SETDB1: variants seen among roughly 807,000 people sequenced by gnomAD.
The protein encoded by SETDB1 is SET domain bifurcated histone lysine methyltransferase 1.
Under a neutral mutation model 137.4 loss-of-function variants are expected in SETDB1, and 31 were observed. That is an observed-to-expected ratio of 0.23 (90% CI 0.17 to 0.30). The LOEUF (loss-of-function observed/expected upper bound fraction) is 0.30. Among genes scored for constraint, SETDB1 ranks in the 10% least tolerant of loss-of-function variants. The pLI is 1.00. For synonymous variants in SETDB1, 548 were observed against 579.9 expected, an observed-to-expected ratio of 0.95 and a Z score of 0.79; for missense variants, 1,113 against 1,631.5, an observed-to-expected ratio of 0.68 and a Z score of 5.47.
intron 3 of SETDB1, among the ~76,000 whole-genome samples, chr1:150,938,303 C>G (rs952546480): frequency 2.0e-5 from 3 of 151,626 alleles, no homozygotes; most frequent in Non-Finnish European, 2.9e-5. Flanking sequence ...ACATGATTCT[C>G]TTTATATGAG....
chr1:150,951,780 G>T (rs758922900), intron 14 of SETDB1, among the ~76,000 whole-genome samples: 3 of 152,168 alleles, frequency 2.0e-5, no homozygotes, highest in African/African-American at 7.2e-5. Flanking sequence ...ATTTACACTT[G>T]TAAGTGAAAT....
chr1:150,946,108 C>T (rs1056291284), intron 9 of SETDB1, among the ~76,000 whole-genome samples: 4 of 152,160 alleles, frequency 2.6e-5, no homozygotes, highest in Non-Finnish European at 5.9e-5. Flanking sequence ...CAGCCTCAAC[C>T]TCCAGGGTTC....
Position 150,960,988 on chromosome 1 carries a change from A to T in SETDB1, c.2929A>T (p.Thr977Ser). ...CTGCAATCCACCTTCCTCCGAAGAG[A>T]CACCCAAGAACAAGGTGGCCTCATG... ...GGCNPPSSEE[T>S]PKNKVASWLS... The change falls in exon 16 of 22, where the codon ACA (threonine) becomes TCA (serine). Residue 977 changes from threonine (T) to serine (S), a missense_variant. Thr to Ser is a moderately conservative substitution (Grantham distance 58). Coordinates refer to ENST00000692827, the MANE Select transcript of SETDB1 (RefSeq NM_001366418.1). 6.2e-7 allele frequency: 1 copy of T among 1,613,220 alleles called. No homozygotes were observed. Among genetic ancestry groups the T allele is most frequent in the South Asian group, 1.1e-5 (1 of 91,028 alleles).
intron 14 of SETDB1, among the ~76,000 whole-genome samples, chr1:150,955,250 C>T (rs1375359997): frequency 6.6e-6 from 1 of 152,158 alleles, no homozygotes. Flanking sequence ...CTTTTTTACA[C>T]GTTTGAAATG....
chr1:150,932,543 A>G (rs768334980), intron 3 of SETDB1, among the ~76,000 whole-genome samples: 12 of 152,196 alleles, frequency 7.9e-5, no homozygotes, highest in Non-Finnish European at 1.5e-4. Context: ...TCCCTCATCT[A>G]GTACATATGT....
intron 12 of SETDB1, 139 bp from the exon 13 acceptor site, chr1:150,950,319 A>G (rs1443492823): frequency 4.1e-6 from 3 of 727,422 alleles, no homozygotes; most frequent in African/African-American, 1.8e-5. Flanking sequence ...GGGCAAGGGA[A>G]GATCTTTCTT....
intron 10 of SETDB1, among the ~76,000 whole-genome samples, chr1:150,948,504 C>A (rs1670396959): frequency 6.6e-6 from 1 of 151,984 alleles, no homozygotes; most frequent in East Asian, 1.9e-4. Flanking sequence ...CTCCTGACCT[C>A]AGGTGATCTG....
At chr1:150,942,727 C>A in intron 6 of SETDB1, 39 bp downstream of exon 6, 1 of 1,603,356 alleles carries the variant, frequency 6.2e-7, no homozygotes, top group Non-Finnish European at 8.5e-7. Context: ...TGAAAGGCAA[C>A]CTGCACCCTC....
At chr1:150,955,677 T>C (rs767784848) in intron 14 of SETDB1, among the ~76,000 whole-genome samples, 3 of 152,360 alleles carry the variant, frequency 2.0e-5, no homozygotes, top group African/African-American at 4.8e-5. Context: ...ATGACAACTT[T>C]TGTTGACTTG....
At chr1:150,959,776 C>T (rs1670763698) in intron 15 of SETDB1, among the ~76,000 whole-genome samples, 1 of 152,092 alleles carries the variant, frequency 6.6e-6, no homozygotes, top group South Asian at 2.1e-4. Context: ...GAGGTATTAT[C>T]AAAGAGAAAC....
rs113521109 is a variant in SETDB1 at position 150,956,002 on chromosome 1, G to C, written c.2334-3176G>C. On this transcript the variant is annotated intron_variant, in intron 14 of 21. Coordinates refer to ENST00000692827, the MANE Select transcript of SETDB1 (RefSeq NM_001366418.1). ...AGCTACTCAGGAGGCTGAGATGGGAGAATTGGTTGAACCCAGGAGGCAGAG... is the reference window on the plus strand; with the variant it reads ...AGCTACTCAGGAGGCTGAGATGGGACAATTGGTTGAACCCAGGAGGCAGAG... 8.6e-3 allele frequency among the ~76,000 whole-genome samples: 1,297 copies of C among 151,312 alleles called. 8 individuals are homozygous for C. Among genetic ancestry groups the C allele is most frequent in the Non-Finnish European group, 0.012 (812 of 67,942 alleles).
chr1:150,957,420 A>G (rs975473895), intron 14 of SETDB1, among the ~76,000 whole-genome samples: 2 of 152,212 alleles, frequency 1.3e-5, no homozygotes, highest in Admixed American at 6.5e-5. Context: ...ACACAAAAGT[A>G]TATGCTTAGT....
At chr1:150,945,402 A>G in intron 9 of SETDB1, 1 of 881,704 alleles carries the variant, frequency 1.1e-6, no homozygotes, top group Non-Finnish European at 1.6e-6. Context: ...AGCCAATTCC[A>G]TTTTTCCAGG....
chr1:150,956,837 A>G (rs1457204779), intron 14 of SETDB1, among the ~76,000 whole-genome samples: 3 of 152,020 alleles, frequency 2.0e-5, no homozygotes, highest in African/African-American at 7.3e-5. Context: ...AAAAAAAGCT[A>G]GACATGGTGG....
intron 10 of SETDB1, among the ~76,000 whole-genome samples, chr1:150,948,244 G>A (rs1440392276): frequency 7.3e-5 from 11 of 151,014 alleles, no homozygotes; most frequent in African/African-American, 2.2e-4. Flanking sequence ...AGAAAAAAAA[G>A]AGGCTACTCT....
chr1:150,960,026 T>G (rs866177202), intron 15 of SETDB1, among the ~76,000 whole-genome samples: 27 of 150,922 alleles, frequency 1.8e-4, no homozygotes, highest in African/African-American at 6.3e-4. Context: ...TGAGCCGAGA[T>G]CATGCCACTG....
intron 14 of SETDB1, 81 bp downstream of exon 14, chr1:150,951,562 A>C: frequency 1.3e-6 from 1 of 740,918 alleles, no homozygotes; most frequent in Admixed American, 2.6e-5. Context: ...AGAAATCATC[A>C]GAAATCTAAA....
Position 150,927,937 on chromosome 1 carries a change from G to A in SETDB1, c.223G>A (p.Val75Met), listed in dbSNP as rs1669588029. The A allele has an allele frequency of 6.2e-7, 1 of 1,614,094 alleles. No individual in the cohort carries two copies. Among genetic ancestry groups the A allele is most frequent in the East Asian group, 2.2e-5 (1 of 44,908 alleles). ...ETWVIQKESE[V>M]AHVDQLFDDA... is the part of the protein sequence containing the mutation. Reference sequence around the variant, plus strand: ...ATGGGTAATACAGAAAGAATCTGAGGTGGCTCACGTTGACCAACTCTTTGA... The same window carrying A: ...ATGGGTAATACAGAAAGAATCTGAGATGGCTCACGTTGACCAACTCTTTGA... The change falls in exon 2 of 22, where the codon GTG becomes ATG. Residue 75 changes from valine to methionine, a missense_variant. Val to Met is a conservative substitution (Grantham distance 21). Coordinates refer to ENST00000692827, the MANE Select transcript of SETDB1 (RefSeq NM_001366418.1).
chr1:150,938,435 C>T (rs9661876), intron 3 of SETDB1, among the ~76,000 whole-genome samples: 66,523 of 151,754 alleles, frequency 0.44, 15,240 homozygotes, highest in African/African-American at 0.55. Context: ...TGATGAAATT[C>T]TTCATCACTC....
Sources: allele counts gnomAD v4.1 joint callset (sites outside exome capture counted in the v4.1 genomes callset), GRCh38; gene constraint gnomAD v4.1.1; transcripts MANE v1.5; gene names NCBI Gene and HGNC (gene_info 2026-07-23, HGNC 2026-07-21).